MLEC: variants seen among roughly 807,000 people sequenced by gnomAD.
MLEC encodes the protein malectin.
MLEC carries 7 observed loss-of-function variants against 28.7 expected under a neutral mutation model. The observed-to-expected ratio is 0.24, with a 90% CI of 0.14 to 0.46. MLEC has a LOEUF of 0.46. MLEC is among the 20% of genes least tolerant of loss of function. The pLI, the probability that MLEC is intolerant of heterozygous loss-of-function variation, is 0.99. For missense variants in MLEC, 237 were observed against 391.1 expected, an observed-to-expected ratio of 0.61 and a Z score of 3.32; for synonymous variants, 142 against 164.4, an observed-to-expected ratio of 0.86 and a Z score of 1.04.
intron 1 of MLEC, among the ~76,000 whole-genome samples, chr12:120,691,239 GT>G (rs773938428): frequency 6.6e-6 from 1 of 152,176 alleles, no homozygotes; most frequent in Non-Finnish European, 1.5e-5. Context: ...TGCTTATCGT[GT>G]GCATATCCTT....
intron 1 of MLEC, among the ~76,000 whole-genome samples, chr12:120,689,231 G>A (rs907476807): frequency 6.6e-6 from 1 of 152,024 alleles, no homozygotes; most frequent in Non-Finnish European, 1.5e-5. Flanking sequence ...GTGTGTGTGT[G>A]TGTTTCTTTG....
rs1882279856 is a variant in MLEC at position 120,697,366 on chromosome 12, C to G, written c.*821C>G. 6.6e-6 allele frequency: 1 copy of G among 152,668 alleles called. No individual in the cohort carries two copies. Among genetic ancestry groups the G allele is most frequent in the Admixed American group, 6.5e-5 (1 of 15,288 alleles). The allele number at this position is 152,668 out of a possible 1,614,324, so 9.5% of individuals were successfully genotyped here. On this transcript the variant is annotated 3_prime_UTR_variant, in exon 5 of 5. Coordinates refer to ENST00000228506, the MANE Select transcript of MLEC (RefSeq NM_014730.4). This position sits in a 1 kb window ranked among gnomAD's most constrained non-coding sequence, Gnocchi z 4.8. ...ATTTGAAATTTCTTCTCCCTCTCAA[C>G]CATCCCACTAAGTTATAGCCAAGAA...
At chr12:120,695,758 A>G (rs578211071) in intron 4 of MLEC, among the ~76,000 whole-genome samples, 1 of 152,258 alleles carries the variant, frequency 6.6e-6, no homozygotes, top group East Asian at 1.9e-4. Context: ...ACCTTTCCCC[A>G]ACTCAATCTT....
chr12:120,687,281 C>G lies in MLEC; in HGVS notation c.-16C>G. On this transcript the variant is annotated 5_prime_UTR_variant, in exon 1 of 5. Coordinates refer to ENST00000228506, the MANE Select transcript of MLEC (RefSeq NM_014730.4). This position sits in a 1 kb window ranked among gnomAD's most constrained non-coding sequence, Gnocchi z 8.1. ...GACGAGGGTCGGCGGGGGCTGCCCC[C>G]GTGGTGGTGGCCGCCATGCTGGGAG... 1 of 1,374,516 alleles carries G rather than the reference C, an allele frequency of 7.3e-7. No individual in the cohort carries two copies. Among genetic ancestry groups the G allele is most frequent in the South Asian group, 1.8e-5 (1 of 56,364 alleles). The allele number at this position is 1,374,516 out of a possible 1,614,324, so 85.1% of individuals were successfully genotyped here.
intron 1 of MLEC, among the ~76,000 whole-genome samples, chr12:120,692,130 A>G (rs979286268): frequency 1.3e-5 from 2 of 152,212 alleles, no homozygotes; most frequent in African/African-American, 2.4e-5. Context: ...ATTGCACTCC[A>G]GCTTGGGCAA....
At chr12:120,692,118 C>T (rs1384457123) in intron 1 of MLEC, among the ~76,000 whole-genome samples, 1 of 152,136 alleles carries the variant, frequency 6.6e-6, no homozygotes, top group Non-Finnish European at 1.5e-5. Context: ...TGAGATTGCG[C>T]CATTGCACTC....
chr12:120,698,574 A>G lies in MLEC; in HGVS notation c.*2029A>G, dbSNP rs888382333. 1.3e-5 allele frequency: 2 copies of G among 152,292 alleles called. No homozygotes were observed. The highest frequency in any genetic ancestry group is 6.5e-5 in the Admixed American group (1 of 15,290). The allele number at this position is 152,292 out of a possible 1,614,324, so 9.4% of individuals were successfully genotyped here. ...GCTTCTGGCAGTAGCTTTGGTTCCT[A>G]TCCCATCGAAATTCCCCAAAGCCCT... is the stretch of plus-strand genomic sequence containing the variant. On this transcript the variant is annotated 3_prime_UTR_variant, in exon 5 of 5. Coordinates refer to ENST00000228506, the MANE Select transcript of MLEC (RefSeq NM_014730.4).
intron 1 of MLEC, among the ~76,000 whole-genome samples, chr12:120,689,947 G>A (rs909185622): frequency 6.6e-6 from 1 of 152,182 alleles, no homozygotes; most frequent in Non-Finnish European, 1.5e-5. Context: ...GTAATTGTGA[G>A]TGGCCCAGGG....
In MLEC at chr12:120,687,192, G is replaced by T; in HGVS notation, c.-105G>T. The T allele has an allele frequency of 8.1e-7, 1 of 1,230,998 alleles. No homozygotes were observed. The highest frequency in any genetic ancestry group is 1.0e-6 in the Non-Finnish European group (1 of 970,592). The allele number at this position is 1,230,998 out of a possible 1,614,324, so 76.3% of individuals were successfully genotyped here. On this transcript the variant is annotated 5_prime_UTR_variant, in exon 1 of 5. Coordinates refer to ENST00000228506, the MANE Select transcript of MLEC (RefSeq NM_014730.4). This position sits in a 1 kb window ranked among gnomAD's most constrained non-coding sequence, Gnocchi z 8.1. ...GCCTGAGAGCGACATGTCCCCGGCG[G>T]CTCAGGCGGAGCGGCCCGTGGCGCT...
chr12:120,693,221 A>G (rs977254950), intron 1 of MLEC, among the ~76,000 whole-genome samples: 4 of 152,232 alleles, frequency 2.6e-5, no homozygotes, highest in Non-Finnish European at 4.4e-5. Context: ...TCTTAGGCAG[A>G]TTGCCTTGCC....
Position 120,687,230 on chromosome 12 carries a change from C to G in MLEC, c.-67C>G, listed in dbSNP as rs369743646. On this transcript the variant is annotated 5_prime_UTR_variant, in exon 1 of 5. Transcript: ENST00000228506. The surrounding 1 kb of genome is among the most constrained non-coding windows in gnomAD (Gnocchi z 8.1). ...GGCCCGTGGCGCTGTTTTTCTGAGT[C>G]CGGGGTGGCCTGGCAGCCGGCCGAG... 1.5e-6 allele frequency: 2 copies of G among 1,330,942 alleles called. No homozygotes were observed. Among genetic ancestry groups the G allele is most frequent in the Non-Finnish European group, 1.9e-6 (2 of 1,046,110 alleles). 82.4% of individuals were successfully genotyped at this position (1,330,942 alleles called of 1,614,324 possible).
At position 120,687,250 on chromosome 12, in the gene MLEC, G is replaced by A; in HGVS notation, c.-47G>A. On this transcript the variant is annotated 5_prime_UTR_variant, in exon 1 of 5. Transcript: ENST00000228506. This position sits in a 1 kb window ranked among gnomAD's most constrained non-coding sequence, Gnocchi z 8.1. ...TGAGTCCGGGGTGGCCTGGCAGCCG[G>A]CCGAGGACGAGGGTCGGCGGGGGCT... 2 of 1,357,402 alleles carry A rather than the reference G, an allele frequency of 1.5e-6. No homozygotes were observed. The highest frequency in any genetic ancestry group is 1.9e-5 in the South Asian group (1 of 53,722). The allele number at this position is 1,357,402 out of a possible 1,614,324, so 84.1% of individuals were successfully genotyped here.
chr12:120,689,798 A>G (rs950219295), intron 1 of MLEC, among the ~76,000 whole-genome samples: 1 of 152,176 alleles, frequency 6.6e-6, no homozygotes, highest in Admixed American at 6.5e-5. Context: ...TGCCTGTGAT[A>G]TTGTTTCCAG....
Position 120,699,496 on chromosome 12 carries a change from G to A in MLEC, c.*2951G>A, listed in dbSNP as rs532859579. ...GCTGAGAGTTCTGCAGTCTAGCTCT[G>A]ACTTAGGTCAGGGGCCTGTTGGTCT... is the stretch of plus-strand genomic sequence containing the variant. On this transcript the variant is annotated 3_prime_UTR_variant, in exon 5 of 5. Transcript: ENST00000228506. The A allele has an allele frequency of 6.6e-6, 1 of 152,372 alleles. No homozygotes were observed. The highest frequency in any genetic ancestry group is 2.1e-4 in the South Asian group (1 of 4,828). The allele number at this position is 152,372 out of a possible 1,614,324, so 9.4% of individuals were successfully genotyped here.
At chr12:120,691,008 CAGA>C (rs1322870886) in intron 1 of MLEC, among the ~76,000 whole-genome samples, 2 of 152,132 alleles carry the variant, frequency 1.3e-5, no homozygotes, top group African/African-American at 2.4e-5. Context: ...AGAAGTGATC[CAGA>C]AGAACAGTCT....
At position 120,698,474 on chromosome 12, in the gene MLEC, T is replaced by C. The variant is rs546018290; in HGVS notation, c.*1929T>C. 4 of 152,330 alleles carry C rather than the reference T, an allele frequency of 2.6e-5. No individual in the cohort carries two copies. The highest frequency in any genetic ancestry group is 9.6e-5 in the African/African-American group (4 of 41,546). The allele number at this position is 152,330 out of a possible 1,614,324, so 9.4% of individuals were successfully genotyped here. On this transcript the variant is annotated 3_prime_UTR_variant, in exon 5 of 5. Coordinates refer to ENST00000228506, the MANE Select transcript of MLEC (RefSeq NM_014730.4). ...ATAGTGCTTCACACAGCTCCCCTGC[T>C]TCTAAAGGATAAGGTACTGTAGCCT...
chr12:120,696,828 G>T lies in MLEC; in HGVS notation c.*283G>T. ...GGTAAACTGGATCCTTCCTGCTCAAGGATCCTCATTTGTATACCTAGTGGA... is the reference window on the plus strand; with the variant it reads ...GGTAAACTGGATCCTTCCTGCTCAATGATCCTCATTTGTATACCTAGTGGA... On this transcript the variant is annotated 3_prime_UTR_variant, in exon 5 of 5. Coordinates refer to ENST00000228506, the MANE Select transcript of MLEC (RefSeq NM_014730.4). This position sits in a 1 kb window ranked among gnomAD's most constrained non-coding sequence, Gnocchi z 5.4. The T allele has an allele frequency of 2.2e-6, 1 of 446,712 alleles. No individual in the cohort carries two copies. Among genetic ancestry groups the T allele is most frequent in the South Asian group, 2.6e-5 (1 of 38,552 alleles). 27.7% of individuals were successfully genotyped at this position (446,712 alleles called of 1,614,324 possible).
rs1486345624 is a variant in MLEC, at chr12:120,688,207, A to G, written c.235+676A>G. 3.9e-5 allele frequency among the ~76,000 whole-genome samples: 6 copies of G among 152,322 alleles called. No homozygotes were observed. In the South Asian group the frequency reaches 1.2e-3, roughly 32 times the overall value. On this transcript the variant is annotated intron_variant, in intron 1 of 4. Transcript: ENST00000228506. Reference sequence around the variant, plus strand: ...TCAGAGAATGCTTACAACCTCCCCTAGGTGATCCTGAGAGTTCTAATTCCA... The same window carrying G: ...TCAGAGAATGCTTACAACCTCCCCTGGGTGATCCTGAGAGTTCTAATTCCA...
At chr12:120,693,324 T>A (rs920045947) in intron 1 of MLEC, among the ~76,000 whole-genome samples, 6 of 152,224 alleles carry the variant, frequency 3.9e-5, no homozygotes, top group Admixed American at 6.5e-5. Flanking sequence ...CAGCAAACTG[T>A]ATGAGTGGCG....
Sources: gnomAD v4.1 joint callset for allele counts (sites outside exome capture counted in the v4.1 genomes callset) on GRCh38, gnomAD v4.1.1 for gene constraint, Gnocchi (gnomAD v3.1) non-coding constraint, MANE v1.5 for transcripts, NCBI Gene and HGNC (gene_info 2026-07-23, HGNC 2026-07-21) for gene names.